The following MOCOS variants were observed in gnomAD, a reference collection of about 807,000 sequenced individuals.
The protein encoded by MOCOS is human molybdenum cofactor sulfurase.
In MOCOS, 86 loss-of-function variants were observed where a neutral mutation model predicts 83.6. The observed-to-expected ratio is 1.03, with a 90% confidence interval of 0.86 to 1.23. The LOEUF is 1.23. MOCOS is among the 50% of genes most tolerant of loss of function. MOCOS has a pLI of 0.00. For missense variants in MOCOS, 1,120 were observed against 1,126.9 expected, an observed-to-expected ratio of 0.99 and a Z score of 0.09; for synonymous variants, 445 against 434.7, an observed-to-expected ratio of 1.02 and a Z score of -0.29.
At chr18:36,254,140 C>A (rs1414757794) in intron 11 of MOCOS, among the ~76,000 whole-genome samples, 4 of 152,024 alleles carry the variant, frequency 2.6e-5, no homozygotes, top group Admixed American at 2.6e-4. Flanking sequence ...TAGAGGACAC[C>A]CCTTAGGGTC....
At position 36,271,316 on chromosome 18, in the gene MOCOS, C is replaced by G. The variant is rs1043496827; in HGVS notation, c.*2631C>G. 4 of 152,192 alleles carry G rather than the reference C, an allele frequency of 2.6e-5. No individual in the cohort carries two copies. The East Asian group carries it at 5.8e-4, about 22-fold the overall frequency. The allele number at this position is 152,192 out of a possible 1,614,324, so 9.4% of individuals were successfully genotyped here. ...AAATTTGTTGACAGACTATTTAAAG[C>G]TGCCCCTATTTTTATCATTAATTGA... On this transcript the variant is annotated 3_prime_UTR_variant, in exon 15 of 15. Transcript: ENST00000261326.
chr18:36,260,339 C>A (rs1464506311), intron 13 of MOCOS, among the ~76,000 whole-genome samples, 164 bp downstream of exon 13: 1 of 152,172 alleles, frequency 6.6e-6, no homozygotes, highest in Non-Finnish European at 1.5e-5. Context: ...TAAGACACCC[C>A]ATGGAATAAT....
rs1201015551 is a variant in MOCOS at position 36,269,554 on chromosome 18, G to GA, written c.*871dup. ...CAGTGAGGAAATCTCATTCTCTAAT[G>GA]AAGTTACCCATCCCGCTGAGTTTCT... On this transcript the variant is annotated 3_prime_UTR_variant, in exon 15 of 15. Transcript: ENST00000261326. The GA allele has an allele frequency of 1.3e-5, 2 of 152,260 alleles. No homozygotes were observed. The highest frequency in any genetic ancestry group is 2.9e-5 in the Non-Finnish European group (2 of 68,106). The allele number at this position is 152,260 out of a possible 1,614,324, so 9.4% of individuals were successfully genotyped here. A position where few individuals can be genotyped will look rare whatever the true frequency, so the allele number is the denominator to read the frequency against.
chr18:36,214,969 A>G (rs776184478), intron 7 of MOCOS, among the ~76,000 whole-genome samples: 15 of 152,160 alleles, frequency 9.9e-5, no homozygotes, highest in Non-Finnish European at 2.1e-4. Flanking sequence ...TTTCTTCCCC[A>G]TCTCCCTGCA....
chr18:36,263,889 G>A (rs2091672535), intron 13 of MOCOS, among the ~76,000 whole-genome samples: 1 of 152,142 alleles, frequency 6.6e-6, no homozygotes, highest in Non-Finnish European at 1.5e-5. Flanking sequence ...TTGTATTGGT[G>A]TTTGGGGCTG....
chr18:36,250,405 T>G (rs1327896420), intron 10 of MOCOS, among the ~76,000 whole-genome samples: 1 of 152,178 alleles, frequency 6.6e-6, no homozygotes, highest in African/African-American at 2.4e-5. Flanking sequence ...ACCCCAGTCG[T>G]TAGTGCTCTG....
intron 6 of MOCOS, 26 bp downstream of exon 6, chr18:36,205,302 C>T: frequency 1.9e-6 from 3 of 1,595,668 alleles, no homozygotes; most frequent in Non-Finnish European, 2.6e-6. Flanking sequence ...ATCCTGCTGA[C>T]TTTATTACAA....
chr18:36,212,372 G>A (rs1204242371), intron 6 of MOCOS, among the ~76,000 whole-genome samples: 2 of 149,832 alleles, frequency 1.3e-5, no homozygotes, highest in Admixed American at 1.3e-4. Flanking sequence ...CTCTAATTCA[G>A]CCTGGTGGGA....
chr18:36,259,553 CAA>C (rs11302704), intron 12 of MOCOS, among the ~76,000 whole-genome samples: 20,222 of 141,302 alleles, frequency 0.14, 1,529 homozygotes, highest in East Asian at 0.23. Flanking sequence ...TTTTAATACC[CAA>C]AAAAAAAAAA....
rs1397061024 is a variant in MOCOS at position 36,220,230 on chromosome 18, CT to C, written c.1960+15del. ...ATCAAAGCCAAAGGTGGGAAAACTGCTTCATTTTCACAGAGCAGCTCCCAAC... is the reference window on the plus strand; with the variant it reads ...ATCAAAGCCAAAGGTGGGAAAACTGCTCATTTTCACAGAGCAGCTCCCAAC... On this transcript the variant is annotated intron_variant, in intron 9 of 14. Transcript: ENST00000261326. 3.1e-6 allele frequency: 5 copies of C among 1,613,826 alleles called. No individual in the cohort carries two copies. The highest frequency in any genetic ancestry group is 4.2e-6 in the Non-Finnish European group (5 of 1,180,020).
At chr18:36,206,113 G>A (rs1434013541) in intron 6 of MOCOS, among the ~76,000 whole-genome samples, 2 of 152,098 alleles carry the variant, frequency 1.3e-5, no homozygotes, top group East Asian at 1.9e-4. Flanking sequence ...TTGGGCATTG[G>A]TGAACACCTT....
chr18:36,202,116 AT>A (rs1347663319), intron 4 of MOCOS, among the ~76,000 whole-genome samples: 1 of 152,138 alleles, frequency 6.6e-6, no homozygotes, highest in Admixed American at 6.6e-5. Flanking sequence ...TTATAAGCCA[AT>A]TTTTTTCTTG....
chr18:36,250,391 T>C (rs568588734), intron 10 of MOCOS, among the ~76,000 whole-genome samples: 12 of 152,294 alleles, frequency 7.9e-5, no homozygotes, highest in African/African-American at 2.6e-4. Flanking sequence ...TACATCCAAG[T>C]TGGACCCCAG....
At chr18:36,208,921 G>A (rs993749470) in intron 6 of MOCOS, among the ~76,000 whole-genome samples, 2 of 152,152 alleles carry the variant, frequency 1.3e-5, no homozygotes, top group African/African-American at 4.8e-5. Context: ...ATGATGTTGG[G>A]TGTAGTTTTG....
chr18:36,263,677 T>G (rs931404817), intron 13 of MOCOS, among the ~76,000 whole-genome samples: 2 of 152,198 alleles, frequency 1.3e-5, no homozygotes, highest in South Asian at 2.1e-4. Context: ...CTGCAGCCCA[T>G]GAGCAGCACC....
intron 10 of MOCOS, among the ~76,000 whole-genome samples, chr18:36,250,171 A>T (rs2091616603): frequency 6.6e-6 from 1 of 152,192 alleles, no homozygotes. Flanking sequence ...ACAGTTAACT[A>T]TATAACACTT....
chr18:36,244,628 G>A (rs2091596210), intron 9 of MOCOS, among the ~76,000 whole-genome samples: 1 of 152,060 alleles, frequency 6.6e-6, no homozygotes, highest in South Asian at 2.1e-4. Flanking sequence ...ATAAATATCT[G>A]TTAAGTCCAT....
intron 9 of MOCOS, among the ~76,000 whole-genome samples, chr18:36,244,833 T>C (rs1281638374): frequency 6.6e-6 from 1 of 152,168 alleles, no homozygotes; most frequent in Non-Finnish European, 1.5e-5. Flanking sequence ...AGATTTAGAA[T>C]TGGGACACTT....
At chr18:36,262,042 C>A (rs1168696784) in intron 13 of MOCOS, among the ~76,000 whole-genome samples, 1 of 152,064 alleles carries the variant, frequency 6.6e-6, no homozygotes, top group African/African-American at 2.4e-5. Context: ...CTTTAAGGAA[C>A]CTTTCTGAGA....
Sources: allele counts gnomAD v4.1 joint callset (sites outside exome capture counted in the v4.1 genomes callset), GRCh38; gene constraint gnomAD v4.1.1; transcripts MANE v1.5; gene names NCBI Gene and HGNC (gene_info 2026-07-23, HGNC 2026-07-21).